H3C11: variants seen among roughly 807,000 people sequenced by gnomAD.
The protein encoded by H3C11 is H3 clustered histone 11.
H3C11 carries 10 observed loss-of-function variants against 9.1 expected under a neutral mutation model. The ratio of observed to expected loss-of-function variants is 1.10; its 90% CI spans 0.68 to 1.86. H3C11 has a LOEUF of 1.86. H3C11 is among the 40% of genes most tolerant of loss of function. H3C11 has a pLI of 0.00. For missense variants in H3C11, 197 were observed against 192.5 expected (o/e 1.02, Z -0.14); for synonymous variants, 132 against 82.4 (o/e 1.60, Z -3.26).
In H3C11 at chr6:27,872,335, C is replaced by G; in HGVS notation, c.-20G>C. On this transcript the variant is annotated 5_prime_UTR_variant, in exon 1 of 1. Coordinates refer to ENST00000616365, the MANE Select transcript of H3C11 (RefSeq NM_003533.3). Reference sequence around the variant, plus strand: ...TGCCATGGCTAAGTAGACGTACCTACTCAACACAAATGAGAGAAAAAAACT... The same window carrying G: ...TGCCATGGCTAAGTAGACGTACCTAGTCAACACAAATGAGAGAAAAAAACT... The G allele has an allele frequency of 1.3e-6, 2 of 1,588,554 alleles. No individual in the cohort carries two copies. Among genetic ancestry groups the G allele is most frequent in the Non-Finnish European group, 1.7e-6 (2 of 1,172,078 alleles).
chr6:27,872,156 G>C lies in H3C11; in HGVS notation c.160C>G (p.Arg54Gly), dbSNP rs779848426. The C allele has an allele frequency of 3.7e-6, 6 of 1,614,166 alleles. No homozygotes were observed. Among genetic ancestry groups the C allele is most frequent in the Non-Finnish European group, 5.1e-6 (6 of 1,180,010 alleles). ...PGTVALREIR[R>G]YQKSTELLIR... ...AGCAGCTCGGTCGACTTCTGGTAGCGGCGGATCTCGCGCAGGGCCACGGTG... is the reference window on the plus strand; with the variant it reads ...AGCAGCTCGGTCGACTTCTGGTAGCCGCGGATCTCGCGCAGGGCCACGGTG... Residue 54 changes from arginine to glycine, a missense_variant, in exon 1 of 1, where the codon CGC becomes GGC. By Grantham distance (125) the Arg-to-Gly change is moderately radical. Coordinates refer to ENST00000616365, the MANE Select transcript of H3C11 (RefSeq NM_003533.3).
chr6:27,871,891 GC>G lies in H3C11; in HGVS notation c.*13del. On this transcript the variant is annotated 3_prime_UTR_variant, in exon 1 of 1. Coordinates refer to ENST00000616365, the MANE Select transcript of H3C11 (RefSeq NM_003533.3). ...TTTTGGGGTTGGACAGACTTCTTGG[GC>G]TGATAGGAATATTTATGCCCTCTCC... The G allele has an allele frequency of 6.2e-7, 1 of 1,606,850 alleles. No individual in the cohort carries two copies. Among genetic ancestry groups the G allele is most frequent in the Non-Finnish European group, 8.5e-7 (1 of 1,175,514 alleles).
Position 27,871,905 on chromosome 6 carries a change from T to C in H3C11, c.411A>G (p.Ter137=). 2 of 1,612,584 alleles carry C rather than the reference T, an allele frequency of 1.2e-6. No homozygotes were observed. The highest frequency in any genetic ancestry group is 1.7e-6 in the Non-Finnish European group (2 of 1,178,998). The part of the protein sequence containing the change: ...LARRIRGERA[*] ...AGACTTCTTGGGCTGATAGGAATAT[T>C]TATGCCCTCTCCCCTCGGATGCGGC... The change falls in exon 1 of 1, where the codon TAA becomes TAG. Residue 137 remains the stop codon, a stop_retained_variant. Coordinates refer to ENST00000616365, the MANE Select transcript of H3C11 (RefSeq NM_003533.3).
At position 27,872,146 on chromosome 6, in the gene H3C11, T is replaced by C. The variant is rs781590720; in HGVS notation, c.170A>G (p.Lys57Arg). 6.2e-6 allele frequency: 10 copies of C among 1,614,052 alleles called. No homozygotes were observed. Among genetic ancestry groups the C allele is most frequent in the Non-Finnish European group, 8.5e-7 (1 of 1,180,022 alleles). ...CTTCCGGATTAGCAGCTCGGTCGAC[T>C]TCTGGTAGCGGCGGATCTCGCGCAG... ...VALREIRRYQ[K>R]STELLIRKLP... The change falls in exon 1 of 1, where the codon AAG becomes AGG. Residue 57 changes from lysine to arginine, a missense_variant. Transcript: ENST00000616365.
Position 27,872,289 on chromosome 6 carries a change from G to C in H3C11, c.27C>G (p.Arg9=), listed in dbSNP as rs1561942728. Residue 9 remains arginine (R), a synonymous_variant, in exon 1 of 1, where the codon CGC becomes CGG. Coordinates refer to ENST00000616365, the MANE Select transcript of H3C11 (RefSeq NM_003533.3). MARTKQTA[R]KSTGGKAPRK... ...GCGGCGCTTTGCCGCCGGTGGACTT[G>C]CGAGCTGTTTGCTTTGTTCGTGCCA... 6.2e-7 allele frequency: 1 copy of C among 1,611,178 alleles called. No individual in the cohort carries two copies. Among genetic ancestry groups the C allele is most frequent in the Admixed American group, 1.7e-5 (1 of 58,718 alleles).
Position 27,872,109 on chromosome 6 carries a change from C to T in H3C11, c.207G>A (p.Gln69=), listed in dbSNP as rs778497947. 1.2e-6 allele frequency: 2 copies of T among 1,614,232 alleles called. No individual in the cohort carries two copies. Among genetic ancestry groups the T allele is most frequent in the South Asian group, 2.2e-5 (2 of 91,088 alleles). ...CCTGTGCGATCTCCCGTACCAAGCG[C>T]TGAAAAGGTAGCTTCCGGATTAGCA... ...TELLIRKLPF[Q]RLVREIAQDF... Residue 69 remains glutamine (Q), a synonymous_variant, in exon 1 of 1, where the codon CAG becomes CAA. Transcript: ENST00000616365.
In H3C11 at chr6:27,871,967, G is replaced by A. The variant is rs748197388; in HGVS notation, c.349C>T (p.Arg117Cys). Reference protein sequence around the residue: ...DTNLCAIHAKRVTIMPKDIQL... With the variant: ...DTNLCAIHAKCVTIMPKDIQL... ...ATGTCTTTAGGCATAATAGTGACGCGTTTGGCGTGAATGGCGCACAGGTTG... is the reference window on the plus strand; with the variant it reads ...ATGTCTTTAGGCATAATAGTGACGCATTTGGCGTGAATGGCGCACAGGTTG... The change falls in exon 1 of 1, where the codon CGC (arginine) becomes TGC (cysteine). Residue 117 changes from arginine (R) to cysteine (C), a missense_variant. Arg to Cys is a radical substitution (Grantham distance 180). Transcript: ENST00000616365. 1.2e-6 allele frequency: 2 copies of A among 1,614,226 alleles called. No homozygotes were observed. Among genetic ancestry groups the A allele is most frequent in the Non-Finnish European group, 1.7e-6 (2 of 1,180,032 alleles).
At position 27,872,199 on chromosome 6, in the gene H3C11, G is replaced by C. The variant is rs374209842; in HGVS notation, c.117C>G (p.Pro39=). ...CCACGGTGCCGGGGCGGTAGCGGTG[G>C]GGCTTCTTGACGCCACCGGTGGCCG... ...SAPATGGVKK[P]HRYRPGTVAL... Residue 39 remains proline, a synonymous_variant, in exon 1 of 1, where the codon CCC becomes CCG. Coordinates refer to ENST00000616365, the MANE Select transcript of H3C11 (RefSeq NM_003533.3). 2 of 1,613,404 alleles carry C rather than the reference G, an allele frequency of 1.2e-6. No homozygotes were observed. The highest frequency in any genetic ancestry group is 1.3e-5 in the African/African-American group (1 of 74,902).
chr6:27,872,202 C>T lies in H3C11; in HGVS notation c.114G>A (p.Lys38=). The change falls in exon 1 of 1, where the codon AAG becomes AAA. Residue 38 remains lysine, a synonymous_variant. Coordinates refer to ENST00000616365, the MANE Select transcript of H3C11 (RefSeq NM_003533.3). ...CGGTGCCGGGGCGGTAGCGGTGGGG[C>T]TTCTTGACGCCACCGGTGGCCGGAG... ...KSAPATGGVK[K]PHRYRPGTVA... 2 of 1,613,344 alleles carry T rather than the reference C, an allele frequency of 1.2e-6. No individual in the cohort carries two copies. The highest frequency in any genetic ancestry group is 1.3e-5 in the African/African-American group (1 of 75,022).
chr6:27,872,276 C>T lies in H3C11; in HGVS notation c.40G>A (p.Gly14Ser), dbSNP rs1761626492. Reference sequence around the variant, plus strand: ...GCCAGCTGCTTGCGCGGCGCTTTGCCGCCGGTGGACTTGCGAGCTGTTTGC... The same window carrying T: ...GCCAGCTGCTTGCGCGGCGCTTTGCTGCCGGTGGACTTGCGAGCTGTTTGC... ...TKQTARKSTG[G>S]KAPRKQLATK... is the part of the protein sequence containing the mutation. The change falls in exon 1 of 1, where the codon GGC (glycine) becomes AGC (serine). Residue 14 changes from glycine to serine, a missense_variant. Physicochemically the swap from Gly to Ser is moderately conservative, Grantham distance 56 (BLOSUM62 0). Transcript: ENST00000616365. 6.2e-7 allele frequency: 1 copy of T among 1,611,712 alleles called. No homozygotes were observed. The highest frequency in any genetic ancestry group is 1.7e-5 in the Admixed American group (1 of 58,982).
rs1761617931 is a variant in H3C11, at chr6:27,871,960, G to C, written c.356C>G (p.Thr119Ser). The C allele has an allele frequency of 6.2e-7, 1 of 1,614,226 alleles. No homozygotes were observed. ...AAGCTGGATGTCTTTAGGCATAATA[G>C]TGACGCGTTTGGCGTGAATGGCGCA... ...NLCAIHAKRV[T>S]IMPKDIQLAR... The change falls in exon 1 of 1, where the codon ACT becomes AGT. Residue 119 changes from threonine (T) to serine (S), a missense_variant. Coordinates refer to ENST00000616365, the MANE Select transcript of H3C11 (RefSeq NM_003533.3).
In H3C11 at chr6:27,872,285, ACT is replaced by A. The variant is rs1459166776; in HGVS notation, c.29_30del (p.Lys10IlefsTer70). The A allele has an allele frequency of 2.5e-6, 4 of 1,611,264 alleles. No individual in the cohort carries two copies. Among genetic ancestry groups the A allele is most frequent in the Non-Finnish European group, 3.4e-6 (4 of 1,179,232 alleles). On this transcript the variant is annotated frameshift_variant, in exon 1 of 1. Coordinates refer to ENST00000616365, the MANE Select transcript of H3C11 (RefSeq NM_003533.3). LOFTEE classifies it high-confidence loss of function. MARTKQTAR[K>X]STGGKAPRKQ... ...TTGCGCGGCGCTTTGCCGCCGGTGG[ACT>A]TGCGAGCTGTTTGCTTTGTTCGTGC...
Position 27,872,138 on chromosome 6 carries a change from C to T in H3C11, c.178G>A (p.Glu60Lys). Residue 60 changes from glutamate to lysine, a missense_variant, in exon 1 of 1, where the codon GAG becomes AAG. Transcript: ENST00000616365. ...REIRRYQKST[E>K]LLIRKLPFQR... ...AAAGGTAGCTTCCGGATTAGCAGCT[C>T]GGTCGACTTCTGGTAGCGGCGGATC... 6.2e-7 allele frequency: 1 copy of T among 1,614,186 alleles called. No homozygotes were observed. Among genetic ancestry groups the T allele is most frequent in the Non-Finnish European group, 8.5e-7 (1 of 1,180,024 alleles).
chr6:27,872,041 G>C lies in H3C11; in HGVS notation c.275C>G (p.Ala92Gly), dbSNP rs1561942582. 3 of 1,614,214 alleles carry C rather than the reference G, an allele frequency of 1.9e-6. No homozygotes were observed. Among genetic ancestry groups the C allele is most frequent in the Non-Finnish European group, 2.5e-6 (3 of 1,180,038 alleles). The stretch of plus-strand genomic sequence containing the variant: ...GTAGGCCTCGCAAGCCTCCTGCAGC[G>C]CCATCACCGCCGAGCTCTGGAAGCG... ...DLRFQSSAVM[A>G]LQEACEAYLV... The change falls in exon 1 of 1, where the codon GCG (alanine) becomes GGG (glycine). Residue 92 changes from alanine (A) to glycine (G), a missense_variant. Transcript: ENST00000616365.
rs751570565 is a variant in H3C11 at position 27,871,890 on chromosome 6, G to A, written c.*15C>T. ...CTTTTGGGGTTGGACAGACTTCTTGGGCTGATAGGAATATTTATGCCCTCT... is the reference window on the plus strand; with the variant it reads ...CTTTTGGGGTTGGACAGACTTCTTGAGCTGATAGGAATATTTATGCCCTCT... On this transcript the variant is annotated 3_prime_UTR_variant, in exon 1 of 1. Coordinates refer to ENST00000616365, the MANE Select transcript of H3C11 (RefSeq NM_003533.3). The A allele has an allele frequency of 1.2e-6, 2 of 1,606,468 alleles. No individual in the cohort carries two copies. Among genetic ancestry groups the A allele is most frequent in the Non-Finnish European group, 1.7e-6 (2 of 1,175,354 alleles).
chr6:27,872,127 G>T lies in H3C11; in HGVS notation c.189C>A (p.Ile63=). The T allele has an allele frequency of 6.2e-7, 1 of 1,614,202 alleles. No homozygotes were observed. The highest frequency in any genetic ancestry group is 8.5e-7 in the Non-Finnish European group (1 of 1,180,020). The stretch of plus-strand genomic sequence containing the variant: ...CCAAGCGCTGAAAAGGTAGCTTCCG[G>T]ATTAGCAGCTCGGTCGACTTCTGGT... ...RRYQKSTELL[I]RKLPFQRLVR... is the part of the protein sequence containing the mutation. Residue 63 remains isoleucine (I), a synonymous_variant, in exon 1 of 1, where the codon ATC becomes ATA. Coordinates refer to ENST00000616365, the MANE Select transcript of H3C11 (RefSeq NM_003533.3).
In H3C11 at chr6:27,871,882, A is replaced by G. The variant is rs145876619; in HGVS notation, c.*23T>C. ...AAAAGAGCCTTTTGGGGTTGGACAG[A>G]CTTCTTGGGCTGATAGGAATATTTA... On this transcript the variant is annotated 3_prime_UTR_variant, in exon 1 of 1. Transcript: ENST00000616365. The G allele has an allele frequency of 1.3e-6, 2 of 1,598,372 alleles. No individual in the cohort carries two copies. Among genetic ancestry groups the G allele is most frequent in the African/African-American group, 2.7e-5 (2 of 74,436 alleles).
Position 27,871,906 on chromosome 6 carries a change from T to C in H3C11, c.410A>G (p.Ter137=). The C allele has an allele frequency of 6.2e-7, 1 of 1,612,708 alleles. No individual in the cohort carries two copies. The highest frequency in any genetic ancestry group is 8.5e-7 in the Non-Finnish European group (1 of 1,179,078). ...LARRIRGERA[*] ...GACTTCTTGGGCTGATAGGAATATT[T>C]ATGCCCTCTCCCCTCGGATGCGGCG... The change falls in exon 1 of 1, where the codon TAA becomes TGA. Residue 137 remains the stop codon, a stop_retained_variant. Coordinates refer to ENST00000616365, the MANE Select transcript of H3C11 (RefSeq NM_003533.3).
rs1333973098 is a variant in H3C11, at chr6:27,872,329, T to C, written c.-14A>G. On this transcript the variant is annotated 5_prime_UTR_variant, in exon 1 of 1. Transcript: ENST00000616365. ...TGTTCGTGCCATGGCTAAGTAGACG[T>C]ACCTACTCAACACAAATGAGAGAAA... 1 of 1,591,196 alleles carries C rather than the reference T, an allele frequency of 6.3e-7. No individual in the cohort carries two copies. Among genetic ancestry groups the C allele is most frequent in the African/African-American group, 1.4e-5 (1 of 73,152 alleles).
Sources: allele counts gnomAD v4.1 joint callset, GRCh38; gene constraint gnomAD v4.1.1; transcripts MANE v1.5; gene names NCBI Gene and HGNC (gene_info 2026-07-23, HGNC 2026-07-21).